CDYL2: variants seen among roughly 807,000 people sequenced by gnomAD.
CDYL2 encodes chromodomain Y like 2.
A neutral mutation model predicts 49.4 loss-of-function variants in CDYL2; 23 were observed. That is an observed-to-expected ratio of 0.47 (90% CI 0.34 to 0.66). The LOEUF (loss-of-function observed/expected upper bound fraction) is 0.66, where lower values mean the gene tolerates loss of function less well. Ranked by LOEUF, CDYL2 falls within the 30% of genes least tolerant of loss-of-function variation. The pLI, the probability that CDYL2 is intolerant of heterozygous loss-of-function variation, is 0.01. For synonymous variants in CDYL2, 360 were observed against 268.8 expected (o/e 1.34, Z -3.32); for missense variants, 678 against 656.4 (o/e 1.03, Z -0.36).
intron 1 of CDYL2, among the ~76,000 whole-genome samples, chr16:80,714,899 G>A (rs1056419174): frequency 7.2e-5 from 11 of 152,132 alleles, no homozygotes; most frequent in Middle Eastern, 3.4e-3. Context: ...CAGATTTCTC[G>A]AGCAGGATTA....
intron 1 of CDYL2, among the ~76,000 whole-genome samples, chr16:80,690,698 T>C (rs1465461772): frequency 6.6e-6 from 1 of 152,116 alleles, no homozygotes; most frequent in Non-Finnish European, 1.5e-5. Context: ...CTTCAGGCTC[T>C]TCCCCTCAAC....
intron 2 of CDYL2, chr16:80,639,629 A>G (rs1211762153): frequency 6.2e-5 from 28 of 452,774 alleles, no homozygotes; most frequent in Admixed American, 1.2e-4. Context: ...CACACAAAAA[A>G]AAATACCTTC....
At chr16:80,615,967 C>T (rs912891771) in intron 4 of CDYL2, among the ~76,000 whole-genome samples, 3 of 152,200 alleles carry the variant, frequency 2.0e-5, no homozygotes, top group Admixed American at 6.5e-5. Flanking sequence ...GATCCTTCTG[C>T]GATGGCGGGG....
intron 1 of CDYL2, among the ~76,000 whole-genome samples, chr16:80,690,364 C>G (rs1380912455): frequency 1.3e-5 from 2 of 152,106 alleles, no homozygotes; most frequent in African/African-American, 2.4e-5. Flanking sequence ...CCTCCTCAGC[C>G]TTTCCACTAG....
chr16:80,633,819 T>C (rs115998156), intron 2 of CDYL2, among the ~76,000 whole-genome samples: 1,569 of 152,302 alleles, frequency 0.01, 34 homozygotes, highest in African/African-American at 0.036. Context: ...TCAATTACAA[T>C]GGCTTTGCAT....
intron 1 of CDYL2, among the ~76,000 whole-genome samples, chr16:80,774,602 G>T (rs866182297): frequency 6.6e-6 from 1 of 152,096 alleles, no homozygotes; most frequent in South Asian, 2.1e-4. Flanking sequence ...ATGTTAATTA[G>T]CTTGATGGAA....
intron 1 of CDYL2, among the ~76,000 whole-genome samples, chr16:80,694,552 G>A (rs1023619363): frequency 1.5e-4 from 23 of 152,042 alleles, no homozygotes; most frequent in Admixed American, 7.9e-4. Flanking sequence ...ATACTGAATC[G>A]GAGTAAGAGA....
chr16:80,680,012 T>C (rs1051546531), intron 2 of CDYL2, among the ~76,000 whole-genome samples: 1 of 152,222 alleles, frequency 6.6e-6, no homozygotes, highest in Non-Finnish European at 1.5e-5. Context: ...CCACTTCCCA[T>C]TGCTTGCGCT....
chr16:80,742,629 G>C (rs898675261), intron 1 of CDYL2, among the ~76,000 whole-genome samples: 1 of 151,886 alleles, frequency 6.6e-6, no homozygotes. Context: ...TGGATGAATG[G>C]ATGGATGGAT....
chr16:80,785,633 A>G (rs1446727519), intron 1 of CDYL2, among the ~76,000 whole-genome samples: 1 of 152,178 alleles, frequency 6.6e-6, no homozygotes, highest in East Asian at 1.9e-4. Flanking sequence ...ATATAGAACC[A>G]AAAAAGAGCC....
At chr16:80,679,007 C>A (rs1368356122) in intron 2 of CDYL2, among the ~76,000 whole-genome samples, 1 of 149,506 alleles carries the variant, frequency 6.7e-6, no homozygotes, top group East Asian at 2.0e-4. Context: ...TAAACTATCG[C>A]AAGAACAAAA....
At chr16:80,787,585 T>C (rs1240269879) in intron 1 of CDYL2, among the ~76,000 whole-genome samples, 1 of 152,050 alleles carries the variant, frequency 6.6e-6, no homozygotes, top group Admixed American at 6.6e-5. Context: ...ATATAAAATA[T>C]GTTCGTTCTC....
chr16:80,756,873 AC>A (rs1906328679), intron 1 of CDYL2, among the ~76,000 whole-genome samples: 1 of 151,544 alleles, frequency 6.6e-6, no homozygotes, highest in East Asian at 1.9e-4. Flanking sequence ...AAAAAAAAAA[AC>A]ACATGATTTC....
At chr16:80,636,393 G>A (rs1206004773) in intron 2 of CDYL2, among the ~76,000 whole-genome samples, 1 of 152,030 alleles carries the variant, frequency 6.6e-6, no homozygotes, top group Non-Finnish European at 1.5e-5. Flanking sequence ...TCAAAAAGTG[G>A]GCAAAGGATA....
chr16:80,670,743 T>C (rs1330986819), intron 2 of CDYL2, among the ~76,000 whole-genome samples: 1 of 151,898 alleles, frequency 6.6e-6, no homozygotes, highest in Non-Finnish European at 1.5e-5. Context: ...TGGGACAGGA[T>C]GAAAGAAAGA....
At chr16:80,696,895 G>A (rs953093598) in intron 1 of CDYL2, among the ~76,000 whole-genome samples, 4 of 152,166 alleles carry the variant, frequency 2.6e-5, no homozygotes, top group Non-Finnish European at 5.9e-5. Flanking sequence ...TCCTCTGGAG[G>A]TGGAAGTGAG....
chr16:80,702,796 T>C (rs1164979936), intron 1 of CDYL2, among the ~76,000 whole-genome samples: 1 of 152,016 alleles, frequency 6.6e-6, no homozygotes, highest in Non-Finnish European at 1.5e-5. Flanking sequence ...TCCTGGAGGA[T>C]GAGTAGACAC....
chr16:80,722,471 G>C (rs1402439575), intron 1 of CDYL2, among the ~76,000 whole-genome samples: 1 of 152,168 alleles, frequency 6.6e-6, no homozygotes, highest in African/African-American at 2.4e-5. Flanking sequence ...AGCTCCTCTG[G>C]ATGAGACACC....
intron 1 of CDYL2, among the ~76,000 whole-genome samples, chr16:80,742,625 A>G (rs377198206): frequency 3.4e-4 from 49 of 144,958 alleles, no homozygotes; most frequent in African/African-American, 1.1e-3. Context: ...TGAATGGATG[A>G]ATGGATGGAT....
Sources: gnomAD v4.1 joint callset for allele counts (sites outside exome capture counted in the v4.1 genomes callset) on GRCh38, gnomAD v4.1.1 for gene constraint, MANE v1.5 for transcripts, NCBI Gene and HGNC (gene_info 2026-07-23, HGNC 2026-07-21) for gene names.